PCYOX1: variants seen among roughly 807,000 people sequenced by gnomAD.
The protein encoded by PCYOX1 is prenylcysteine oxidase 1.
Under a neutral mutation model 46.4 loss-of-function variants are expected in PCYOX1, and 46 were observed. The observed-to-expected ratio is 0.99, with a 90% CI of 0.78 to 1.27. The LOEUF is 1.27. Among genes scored for constraint, PCYOX1 ranks in the 50% most tolerant of loss-of-function variants. PCYOX1 has a pLI of 0.00. For missense variants in PCYOX1, 658 were observed against 628.3 expected, an observed-to-expected ratio of 1.05 and a Z score of -0.51; for synonymous variants, 220 against 231.8, an observed-to-expected ratio of 0.95 and a Z score of 0.46.
intron 3 of PCYOX1, among the ~76,000 whole-genome samples, chr2:70,263,295 G>A (rs1054349253): frequency 6.6e-6 from 1 of 152,064 alleles, no homozygotes; most frequent in Non-Finnish European, 1.5e-5. Flanking sequence ...GTAGTTTGGG[G>A]TTTCTTTCTT....
intron 3 of PCYOX1, among the ~76,000 whole-genome samples, chr2:70,267,197 C>T (rs574689179): frequency 1.1e-4 from 17 of 151,852 alleles, no homozygotes; most frequent in African/African-American, 3.1e-4. Context: ...GACGGGGCGG[C>T]GGGGCAGAGG....
intron 3 of PCYOX1, among the ~76,000 whole-genome samples, chr2:70,263,556 C>T (rs563555102): frequency 7.9e-5 from 12 of 152,230 alleles, no homozygotes; most frequent in South Asian, 6.2e-4. Context: ...TGCGTAGAGA[C>T]GGCCAGTCAC....
At chr2:70,276,396 C>T (rs540927733) in intron 5 of PCYOX1, among the ~76,000 whole-genome samples, 14 of 152,036 alleles carry the variant, frequency 9.2e-5, no homozygotes, top group African/African-American at 2.9e-4. Flanking sequence ...TTAGTAGAGA[C>T]GGGGTTTCAC....
Position 70,276,255 on chromosome 2 carries a change from C to T in PCYOX1, c.860-479C>T, listed in dbSNP as rs1003284167. The stretch of plus-strand genomic sequence containing the variant: ...GCCTATCTCGGCTCACTGCAAGCTC[C>T]GCCTCCCGGGTTCACGCCATTCTCC... On this transcript the variant is annotated intron_variant, in intron 5 of 5. Coordinates refer to ENST00000433351, the MANE Select transcript of PCYOX1 (RefSeq NM_016297.4). Among the ~76,000 whole-genome samples the T allele has an allele frequency of 5.3e-5, 8 of 152,032 alleles. 1 individual carries two copies. Among genetic ancestry groups the T allele is most frequent in the South Asian group, 4.2e-4 (2 of 4,808 alleles).
At chr2:70,267,802 G>GGGGAGA (rs1216716142) in intron 3 of PCYOX1, among the ~76,000 whole-genome samples, 2 of 151,550 alleles carry the variant, frequency 1.3e-5, no homozygotes, top group African/African-American at 4.8e-5. Context: ...GGAGGGGGAG[G>GGGGAGA]GGGAGAGGGA....
Position 70,276,893 on chromosome 2 carries a change from A to G in PCYOX1, c.1019A>G (p.Tyr340Cys). The change falls in exon 6 of 6, where the codon TAT becomes TGT. Residue 340 changes from tyrosine (Y) to cysteine (C), a missense_variant. Tyr to Cys is a radical substitution (Grantham distance 194, BLOSUM62 -2). Transcript: ENST00000433351. ...DPPIEEFHQY[Y>C]QHIVTTLVKG... is the part of the protein sequence containing the mutation. ...CCAATTGAGGAATTCCATCAATATTATCAACATATAGTGACAACTTTAGTT... is the reference window on the plus strand; with the variant it reads ...CCAATTGAGGAATTCCATCAATATTGTCAACATATAGTGACAACTTTAGTT... 2 of 1,613,208 alleles carry G rather than the reference A, an allele frequency of 1.2e-6. No individual in the cohort carries two copies. The highest frequency in any genetic ancestry group is 1.1e-5 in the South Asian group (1 of 91,056).
chr2:70,274,950 T>A lies in PCYOX1; in HGVS notation c.495-9T>A. ...TTGGTATTTAATGGATTTCTCTTCT[T>A]TTCCAAAGGATCTACCGCTACCAGT... On this transcript the variant is annotated splice_polypyrimidine_tract_variant and intron_variant, in intron 3 of 5. Transcript: ENST00000433351. 1 of 1,549,992 alleles carries A rather than the reference T, an allele frequency of 6.5e-7. No individual in the cohort carries two copies.
intron 3 of PCYOX1, among the ~76,000 whole-genome samples, chr2:70,266,798 A>G (rs1696529554): frequency 6.6e-6 from 1 of 152,134 alleles, no homozygotes; most frequent in Non-Finnish European, 1.5e-5. Flanking sequence ...TCATAGATAA[A>G]CAGCATTCCA....
chr2:70,270,849 G>A (rs1290577490), intron 3 of PCYOX1, among the ~76,000 whole-genome samples: 1 of 151,170 alleles, frequency 6.6e-6, no homozygotes, highest in East Asian at 2.0e-4. Context: ...GGCTCTCCTC[G>A]GCTCACCTTG....
chr2:70,274,300 C>T (rs562559802), intron 3 of PCYOX1, among the ~76,000 whole-genome samples: 4 of 148,156 alleles, frequency 2.7e-5, no homozygotes, highest in Admixed American at 6.9e-5. Flanking sequence ...TGGGTTGAAG[C>T]GATTCTCCTG....
At chr2:70,265,418 T>G (rs1326139506) in intron 3 of PCYOX1, among the ~76,000 whole-genome samples, 1 of 152,106 alleles carries the variant, frequency 6.6e-6, no homozygotes, top group African/African-American at 2.4e-5. Context: ...CTTGAACTCC[T>G]GGGCTCAAGT....
intron 2 of PCYOX1, among the ~76,000 whole-genome samples, chr2:70,260,456 A>G (rs1385621004): frequency 6.6e-6 from 1 of 152,192 alleles, no homozygotes; most frequent in Non-Finnish European, 1.5e-5. Flanking sequence ...AGGCAGGAGG[A>G]TCCCTTGAGC....
chr2:70,274,656 G>A, intron 3 of PCYOX1: 2 of 304,520 alleles, frequency 6.6e-6, no homozygotes, highest in Non-Finnish European at 1.2e-5. Flanking sequence ...CTTGAATTCC[G>A]GGGCTCAAGC....
intron 3 of PCYOX1, among the ~76,000 whole-genome samples, chr2:70,265,227 A>ATG (rs1696497014): frequency 1.4e-5 from 2 of 143,212 alleles, no homozygotes; most frequent in Non-Finnish European, 3.0e-5. Flanking sequence ...TTTTGAGACC[A>ATG]AGTCTTGCTC....
At position 70,280,318 on chromosome 2, in the gene PCYOX1, G is replaced by C. The variant is rs879272104; in HGVS notation, c.*2926G>C. ...TAGTTTTATGCAACTATAGTATTAA[G>C]AGTTTTATTGGAAGAAAAAACACTG... On this transcript the variant is annotated 3_prime_UTR_variant, in exon 6 of 6. Coordinates refer to ENST00000433351, the MANE Select transcript of PCYOX1 (RefSeq NM_016297.4). 8 of 152,014 alleles carry C rather than the reference G, an allele frequency of 5.3e-5. No individual in the cohort carries two copies. Among genetic ancestry groups the C allele is most frequent in the Non-Finnish European group, 8.8e-5 (6 of 68,018 alleles). The allele number at this position is 152,014 out of a possible 1,614,324, so 9.4% of individuals were successfully genotyped here. A position where few individuals can be genotyped will look rare whatever the true frequency, so the allele number is the denominator to read the frequency against.
rs945092758 is a variant in PCYOX1 at position 70,279,074 on chromosome 2, G to A, written c.*1682G>A. On this transcript the variant is annotated 3_prime_UTR_variant, in exon 6 of 6. Coordinates refer to ENST00000433351, the MANE Select transcript of PCYOX1 (RefSeq NM_016297.4). ...GATCATGCCACTGTACTCCAGCCTG[G>A]GCAACAGAGACCATCTTAAAAAAAA... 1.3e-5 allele frequency: 2 copies of A among 151,792 alleles called. No individual in the cohort carries two copies. The highest frequency in any genetic ancestry group is 2.9e-5 in the Non-Finnish European group (2 of 67,964). 9.4% of individuals were successfully genotyped at this position (151,792 alleles called of 1,614,324 possible). A position where few individuals can be genotyped will look rare whatever the true frequency, so the allele number is the denominator to read the frequency against.
intron 5 of PCYOX1, among the ~76,000 whole-genome samples, chr2:70,276,327 G>A (rs1417589599): frequency 2.0e-5 from 3 of 151,446 alleles, no homozygotes; most frequent in South Asian, 4.2e-4. Flanking sequence ...CTGCCTCAGC[G>A]TCCCGAGTAG....
rs1414838746 is a variant in PCYOX1 at position 70,276,879 on chromosome 2, A to G, written c.1005A>G (p.Glu335=). The change falls in exon 6 of 6, where the codon GAA becomes GAG. Residue 335 remains glutamate, a synonymous_variant. Transcript: ENST00000433351. ...TFLNFDPPIE[E]FHQYYQHIVT... Reference sequence around the variant, plus strand: ...TCAACTTTGATCCTCCAATTGAGGAATTCCATCAATATTATCAACATATAG... The same window carrying G: ...TCAACTTTGATCCTCCAATTGAGGAGTTCCATCAATATTATCAACATATAG... 20 of 1,613,494 alleles carry G rather than the reference A, an allele frequency of 1.2e-5. No homozygotes were observed. The highest frequency in any genetic ancestry group is 1.7e-5 in the Admixed American group (1 of 59,982).
chr2:70,258,065 G>A (rs1696369712), upstream of PCYOX1: 3 of 965,224 alleles, frequency 3.1e-6, no homozygotes, highest in Admixed American at 3.0e-5. Context: ...GGCTCGCAGG[G>A]GCTGGGCGGC....
Sources: allele counts gnomAD v4.1 joint callset (sites outside exome capture counted in the v4.1 genomes callset), GRCh38; gene constraint gnomAD v4.1.1; transcripts MANE v1.5; gene names NCBI Gene and HGNC (gene_info 2026-07-23, HGNC 2026-07-21).